The following ITGB5 variants were observed in gnomAD, a reference collection of about 807,000 sequenced individuals.
ITGB5 encodes the protein integrin subunit beta 5.
Under a neutral mutation model 84.8 loss-of-function variants are expected in ITGB5, and 38 were observed. That is an observed-to-expected ratio of 0.45 (90% CI 0.35 to 0.59). The LOEUF is 0.59. Ranked by LOEUF, ITGB5 falls within the 20% of genes least tolerant of loss-of-function variation. ITGB5 has a pLI of 0.01. For missense variants in ITGB5, 905 were observed against 1,034.5 expected, an observed-to-expected ratio of 0.87 and a Z score of 1.72; for synonymous variants, 393 against 414.4, an observed-to-expected ratio of 0.95 and a Z score of 0.63.
intron 1 of ITGB5, among the ~76,000 whole-genome samples, chr3:124,893,788 G>A (rs887272751): frequency 6.6e-6 from 1 of 152,136 alleles, no homozygotes; most frequent in South Asian, 2.1e-4. Flanking sequence ...TGAGGGGGGT[G>A]GAATTTCATG....
At chr3:124,888,387 A>C (rs190751643), upstream of ITGB5, among the ~76,000 whole-genome samples, 64 of 152,314 alleles carry the variant, frequency 4.2e-4, no homozygotes, top group African/African-American at 1.4e-3. Context: ...CTGGATCTGA[A>C]CTAGCCAATA....
chr3:124,849,273 G>A (rs1288450666), intron 3 of ITGB5, among the ~76,000 whole-genome samples: 5 of 152,144 alleles, frequency 3.3e-5, no homozygotes, highest in African/African-American at 7.2e-5. Flanking sequence ...GGGAATGTGC[G>A]TTTGAAACAA....
intron 11 of ITGB5, among the ~76,000 whole-genome samples, chr3:124,772,357 T>TATGGCAA (rs1293651090): frequency 6.6e-6 from 1 of 152,220 alleles, no homozygotes; most frequent in Non-Finnish European, 1.5e-5. Flanking sequence ...CTGGGTTATT[T>TATGGCAA]ATGGCAAATG....
intron 9 of ITGB5, among the ~76,000 whole-genome samples, chr3:124,805,204 C>T (rs2064381643): frequency 6.6e-6 from 1 of 150,960 alleles, no homozygotes; most frequent in South Asian, 2.1e-4. Context: ...GTGCAGTGTC[C>T]CAGTCATGGC....
At chr3:124,898,243 G>C (rs1305843559) in intron 1 of ITGB5, among the ~76,000 whole-genome samples, 7 of 149,216 alleles carry the variant, frequency 4.7e-5, no homozygotes, top group Non-Finnish European at 1.0e-4. Context: ...ACTTGAGACT[G>C]TGGATAACAG....
At chr3:124,792,964 T>G (rs2064170812) in intron 10 of ITGB5, 1 of 152,036 alleles carries the variant, frequency 6.6e-6, no homozygotes, top group Non-Finnish European at 1.5e-5. Context: ...ATACCCCATC[T>G]CCCACTTGCC....
Position 124,805,458 on chromosome 3 carries a change from T to A in ITGB5, c.1263+3564A>T, listed in dbSNP as rs1374920647. On this transcript the variant is annotated intron_variant, in intron 9 of 14. Transcript: ENST00000296181. ...GTGCCTAGCCATTACTGCCATTACT[T>A]TTTTTTTTTAAGAGACGAGGTCTCA... 2.7e-5 allele frequency among the ~76,000 whole-genome samples: 4 copies of A among 148,870 alleles called. No individual in the cohort carries two copies. The East Asian group carries it at 7.8e-4, about 29-fold the overall frequency.
At chr3:124,826,550 A>G (rs1253017793) in intron 5 of ITGB5, among the ~76,000 whole-genome samples, 1 of 152,160 alleles carries the variant, frequency 6.6e-6, no homozygotes, top group African/African-American at 2.4e-5. Context: ...TTGCAATCTC[A>G]TAGGTAAGGA....
At chr3:124,801,226 A>G (rs2064311391) in intron 9 of ITGB5, among the ~76,000 whole-genome samples, 1 of 152,198 alleles carries the variant, frequency 6.6e-6, no homozygotes, top group Non-Finnish European at 1.5e-5. Context: ...ACAGCCAGCC[A>G]CTTGCATACT....
intron 1 of ITGB5, among the ~76,000 whole-genome samples, chr3:124,883,099 C>A (rs190792901): frequency 6.6e-6 from 1 of 152,308 alleles, no homozygotes; most frequent in East Asian, 1.9e-4. Flanking sequence ...TGAAAAGAGA[C>A]CCTATCCCAT....
At chr3:124,817,968 A>G (rs2064632457) in intron 7 of ITGB5, among the ~76,000 whole-genome samples, 1 of 152,150 alleles carries the variant, frequency 6.6e-6, no homozygotes, top group African/African-American at 2.4e-5. Context: ...TCTCTAAAAG[A>G]TAATGTCTTG....
At position 124,763,735 on chromosome 3, in the gene ITGB5, G is replaced by C; in HGVS notation, c.2305-17C>G. 6.8e-7 allele frequency: 1 copy of C among 1,466,540 alleles called. No homozygotes were observed. The highest frequency in any genetic ancestry group is 9.6e-7 in the Non-Finnish European group (1 of 1,046,244). The allele number at this position is 1,466,540 out of a possible 1,614,324, so 90.8% of individuals were successfully genotyped here. A position where few individuals can be genotyped will look rare whatever the true frequency, so the allele number is the denominator to read the frequency against. On this transcript the variant is annotated splice_polypyrimidine_tract_variant and intron_variant, in intron 14 of 14. Coordinates refer to ENST00000296181, the MANE Select transcript of ITGB5 (RefSeq NM_002213.5). Reference sequence around the variant, plus strand: ...ATTTGAAGCCTACAGAACACGGCGGGGAAGAGGATGAGGACACATGTTAGC... The same window carrying C: ...ATTTGAAGCCTACAGAACACGGCGGCGAAGAGGATGAGGACACATGTTAGC...
At chr3:124,878,833 A>T (rs1396835983) in intron 1 of ITGB5, 1 of 152,210 alleles carries the variant, frequency 6.6e-6, no homozygotes, top group Non-Finnish European at 1.5e-5. Context: ...AAAAAACTAA[A>T]CACACGGAGT....
chr3:124,821,268 A>G (rs2064697299), intron 6 of ITGB5, 45 bp downstream of exon 6: 1 of 1,576,728 alleles, frequency 6.3e-7, no homozygotes, highest in South Asian at 1.2e-5. Context: ...GGGCAGGGTC[A>G]CAAGAGAGGC....
chr3:124,886,889 T>G, intron 1 of ITGB5, 42 bp downstream of exon 1: 1 of 1,176,216 alleles, frequency 8.5e-7, no homozygotes, highest in Non-Finnish European at 1.1e-6. Flanking sequence ...CGGCTGAGTG[T>G]GCGACAAAGT....
chr3:124,834,206 A>C (rs2064896322), intron 5 of ITGB5, among the ~76,000 whole-genome samples: 1 of 151,916 alleles, frequency 6.6e-6, no homozygotes, highest in Admixed American at 6.6e-5. Context: ...GTGAACCCTA[A>C]TGTGAACTAT....
intron 3 of ITGB5, among the ~76,000 whole-genome samples, chr3:124,850,556 G>A (rs1217404395): frequency 3.0e-5 from 3 of 100,850 alleles, no homozygotes; most frequent in South Asian, 4.0e-4. Context: ...GGTGGGGGGA[G>A]GGGGGAGGGA....
intron 1 of ITGB5, 94 bp from the exon 2 acceptor site, chr3:124,873,625 AG>A: frequency 1.1e-6 from 1 of 944,002 alleles, no homozygotes; most frequent in Non-Finnish European, 1.7e-6. Context: ...CTTCTTTAAC[AG>A]GAGGCCTCTC....
At chr3:124,795,671 C>T (rs762827990) in intron 10 of ITGB5, among the ~76,000 whole-genome samples, 1 of 152,010 alleles carries the variant, frequency 6.6e-6, no homozygotes, top group Admixed American at 6.6e-5. Context: ...TCCCTTGTAA[C>T]CACAAGGGTC....
Sources: allele counts gnomAD v4.1 joint callset (sites outside exome capture counted in the v4.1 genomes callset), GRCh38; gene constraint gnomAD v4.1.1; transcripts MANE v1.5; gene names NCBI Gene and HGNC (gene_info 2026-07-23, HGNC 2026-07-21).